DSG4: variants seen among roughly 807,000 people sequenced by gnomAD.
DSG4 encodes the protein desmoglein 4.
DSG4 carries 87 observed loss-of-function variants against 93.1 expected under a neutral mutation model. The ratio of observed to expected loss-of-function variants is 0.93; its 90% CI spans 0.79 to 1.12. The LOEUF (loss-of-function observed/expected upper bound fraction) is 1.12. Among genes scored for constraint, DSG4 ranks in the 50% most tolerant of loss-of-function variants. The pLI is 0.00. For missense variants in DSG4, 1,373 were observed against 1,285.7 expected (o/e 1.07, Z -1.04); for synonymous variants, 432 against 452.9 (o/e 0.95, Z 0.59).
intron 1 of DSG4, 69 bp from the exon 2 acceptor site, chr18:31,385,067 T>A (rs2072172820): frequency 7.9e-7 from 1 of 1,272,662 alleles, no homozygotes; most frequent in African/African-American, 1.5e-5. Flanking sequence ...ATATTGTCAA[T>A]GTTTTTATGA....
chr18:31,389,028 A>G lies in DSG4; in HGVS notation c.517+10A>G. The G allele has an allele frequency of 6.2e-7, 1 of 1,612,732 alleles. No individual in the cohort carries two copies. Among genetic ancestry groups the G allele is most frequent in the Non-Finnish European group, 8.5e-7 (1 of 1,178,936 alleles). Reference sequence around the variant, plus strand: ...GAAAATAGTGATGCCAGTAAGTAGAATGACATTCCTTCTCTACGTCACAGC... The same window carrying G: ...GAAAATAGTGATGCCAGTAAGTAGAGTGACATTCCTTCTCTACGTCACAGC... On this transcript the variant is annotated intron_variant, in intron 5 of 15. Transcript: ENST00000308128.
chr18:31,388,850 T>C (rs1411258079), intron 4 of DSG4, 24 bp from the exon 5 acceptor site: 1 of 1,613,344 alleles, frequency 6.2e-7, no homozygotes, highest in African/African-American at 1.3e-5. Context: ...TGGAAAAAGA[T>C]GGCTTTTTTC....
chr18:31,408,184 C>T (rs1284040888), intron 12 of DSG4, among the ~76,000 whole-genome samples: 2 of 152,150 alleles, frequency 1.3e-5, no homozygotes, highest in South Asian at 2.1e-4. Context: ...AACCTATGTT[C>T]CCAAAGGGCC....
rs143650325 is a variant in DSG4, at chr18:31,377,935, C to T, written c.48+976C>T. On this transcript the variant is annotated intron_variant, in intron 1 of 15. Coordinates refer to ENST00000308128, the MANE Select transcript of DSG4 (RefSeq NM_177986.5). The stretch of plus-strand genomic sequence containing the variant: ...GGCAAGTGGCAATTATACCAGACTC[C>T]TCTGAACATCAGTTGTAAGAGACAG... Among the ~76,000 whole-genome samples the T allele has an allele frequency of 2.3e-4, 35 of 152,316 alleles. 1 individual carries two copies. In the South Asian group the frequency reaches 5.6e-3, roughly 24 times the overall value.
intron 12 of DSG4, among the ~76,000 whole-genome samples, chr18:31,408,907 C>T (rs2072455562): frequency 6.6e-6 from 1 of 152,096 alleles, no homozygotes; most frequent in South Asian, 2.1e-4. Flanking sequence ...ACTTGGATAG[C>T]TAAACATTTT....
At position 31,386,697 on chromosome 18, in the gene DSG4, T is replaced by C. The variant is rs763994902; in HGVS notation, c.94T>C (p.Phe32Leu). The change falls in exon 3 of 16, where the codon TTT becomes CTT. Residue 32 changes from phenylalanine to leucine, a missense_variant. Coordinates refer to ENST00000308128, the MANE Select transcript of DSG4 (RefSeq NM_177986.5). ...ACCATTTTTGCTTAAGGTGAAGGAA[T>C]TTGACATTGAAAATGGCACTACAAA... is the stretch of plus-strand genomic sequence containing the variant. ...NSEFIVEVKE[F>L]DIENGTTKWQ... The C allele has an allele frequency of 5.6e-6, 9 of 1,613,062 alleles. No individual in the cohort carries two copies. The African/African-American group carries it at 6.7e-5, about 12-fold the overall frequency.
intron 2 of DSG4, among the ~76,000 whole-genome samples, chr18:31,386,386 G>A (rs1160791412): frequency 1.3e-5 from 2 of 152,114 alleles, no homozygotes; most frequent in South Asian, 4.1e-4. Context: ...GGTGAAGATA[G>A]ATTGAGAAAA....
intron 1 of DSG4, among the ~76,000 whole-genome samples, chr18:31,379,288 T>C (rs2072109810): frequency 6.6e-6 from 1 of 152,202 alleles, no homozygotes; most frequent in African/African-American, 2.4e-5. Context: ...TGACCTCATG[T>C]GAGAATGTAT....
rs2072237838 is a variant in DSG4 at position 31,390,684 on chromosome 18, A to G, written c.546A>G (p.Thr182=). Residue 182 remains threonine, a synonymous_variant, in exon 6 of 16, where the codon ACA becomes ACG. Transcript: ENST00000308128. ...CATTGGTAGTAAAGTTATGTGCCAC[A>G]GATGCAGATGAAGAAAATCATCTGA... is the stretch of plus-strand genomic sequence containing the variant. The part of the protein sequence containing the change: ...ANTLVVKLCA[T]DADEENHLNS... 1.9e-6 allele frequency: 3 copies of G among 1,613,572 alleles called. No individual in the cohort carries two copies. The highest frequency in any genetic ancestry group is 1.6e-4 in the Middle Eastern group (1 of 6,080).
Position 31,401,022 on chromosome 18 carries a change from T to C in DSG4, c.1417+2T>C. 6.3e-7 allele frequency: 1 copy of C among 1,588,910 alleles called. No individual in the cohort carries two copies. Among genetic ancestry groups the C allele is most frequent in the Non-Finnish European group, 8.6e-7 (1 of 1,166,526 alleles). On this transcript the variant is annotated splice_donor_variant, in intron 10 of 15. Transcript: ENST00000308128. LOFTEE classifies it high-confidence loss of function. ...CAGCAGAGATCCTGGCTATAGATGGTAAGAAAATTTATTTTCAGTATTTTA... is the reference window on the plus strand; with the variant it reads ...CAGCAGAGATCCTGGCTATAGATGGCAAGAAAATTTATTTTCAGTATTTTA...
At position 31,413,572 on chromosome 18, in the gene DSG4, A is replaced by G. The variant is rs762016349; in HGVS notation, c.3100A>G (p.Asn1034Asp). The G allele has an allele frequency of 6.2e-7, 1 of 1,613,832 alleles. No homozygotes were observed. The highest frequency in any genetic ancestry group is 2.2e-5 in the East Asian group (1 of 44,904). ...TCGACACAGAGTAACACGATACAGT[A>G]ACATACATTACACCCAACAGTAAGT... ...TSRHRVTRYS[N>D]IHYTQQ Residue 1034 changes from asparagine (N) to aspartate (D), a missense_variant, in exon 16 of 16, where the codon AAC (asparagine) becomes GAC (aspartate). Physicochemically the swap from Asn to Asp is conservative, Grantham distance 23. Transcript: ENST00000308128.
intron 14 of DSG4, among the ~76,000 whole-genome samples, chr18:31,410,405 GTGTC>G (rs1390675550): frequency 1.3e-5 from 2 of 151,158 alleles, no homozygotes. Flanking sequence ...ATGTGTATGT[GTGTC>G]TATATATATA....
At chr18:31,385,083 C>A in intron 1 of DSG4, 53 bp from the exon 2 acceptor site, 1 of 1,434,636 alleles carries the variant, frequency 7.0e-7, no homozygotes, top group Non-Finnish European at 9.8e-7. Flanking sequence ...TATGACATGG[C>A]TTCCTCTAAA....
At chr18:31,403,867 G>A (rs1048749175) in intron 11 of DSG4, among the ~76,000 whole-genome samples, 9 of 152,188 alleles carry the variant, frequency 5.9e-5, no homozygotes, top group Admixed American at 2.0e-4. Context: ...AATAGTAGTG[G>A]ATAAATACCA....
Position 31,395,745 on chromosome 18 carries a change from A to G in DSG4, c.1005+3405A>G, listed in dbSNP as rs145144187. Among the ~76,000 whole-genome samples the G allele has an allele frequency of 5.6e-3, 850 of 152,266 alleles. 7 individuals carry two copies. The highest frequency in any genetic ancestry group is 0.019 in the African/African-American group (805 of 41,540). ...AGGATTTAAGGTGGCTCGTGCCTGT[A>G]ATCCCAGCACTTTGGGAGGCCAAGG... On this transcript the variant is annotated intron_variant, in intron 8 of 15. Coordinates refer to ENST00000308128, the MANE Select transcript of DSG4 (RefSeq NM_177986.5).
chr18:31,399,297 A>G lies in DSG4; in HGVS notation c.1031A>G (p.Asn344Ser), dbSNP rs2072338241. 2 of 1,614,074 alleles carry G rather than the reference A, an allele frequency of 1.2e-6. No individual in the cohort carries two copies. The highest frequency in any genetic ancestry group is 1.3e-5 in the African/African-American group (1 of 75,042). Residue 344 changes from asparagine to serine, a missense_variant, in exon 9 of 16, where the codon AAC (asparagine) becomes AGC (serine). Physicochemically the swap from Asn to Ser is conservative, Grantham distance 46. Coordinates refer to ENST00000308128, the MANE Select transcript of DSG4 (RefSeq NM_177986.5). ...ATGCTGGATTATGAACAAGCACCTA[A>G]CATTCAGCTTAGTATCGGAGTTAAA... ...VKMLDYEQAP[N>S]IQLSIGVKNQ...
At position 31,406,220 on chromosome 18, in the gene DSG4, A is replaced by G. The variant is rs1382394285; in HGVS notation, c.1780A>G (p.Met594Val). Residue 594 changes from methionine (M) to valine (V), a missense_variant, in exon 12 of 16, where the codon ATG becomes GTG. Transcript: ENST00000308128. Reference protein sequence around the residue: ...LYACDCDDNHMCLDSGAAGIY... With the variant: ...LYACDCDDNHVCLDSGAAGIY... ...TGCCTGTGATTGCGATGACAACCACATGTGCCTGGACTCTGGTGCCGCGGG... is the reference window on the plus strand; with the variant it reads ...TGCCTGTGATTGCGATGACAACCACGTGTGCCTGGACTCTGGTGCCGCGGG... 1 of 1,613,260 alleles carries G rather than the reference A, an allele frequency of 6.2e-7. No homozygotes were observed.
Position 31,412,919 on chromosome 18 carries a change from G to A in DSG4, c.2447G>A (p.Gly816Asp), listed in dbSNP as rs2072511309. The change falls in exon 16 of 16, where the codon GGC (glycine) becomes GAC (aspartate). Residue 816 changes from glycine to aspartate, a missense_variant. Gly to Asp is a moderately conservative substitution (Grantham distance 94, BLOSUM62 -1). Coordinates refer to ENST00000308128, the MANE Select transcript of DSG4 (RefSeq NM_177986.5). ...CACGAGGGAGTCGGGTCTCCCGTAG[G>A]CTCTATTGGTTGTTGCAGTTGGATT... ...YDHEGVGSPV[G>D]SIGCCSWIVD... 4 of 1,614,076 alleles carry A rather than the reference G, an allele frequency of 2.5e-6. No homozygotes were observed. The highest frequency in any genetic ancestry group is 2.7e-5 in the African/African-American group (2 of 74,924).
In DSG4 at chr18:31,412,877, G is replaced by A. The variant is rs941563370; in HGVS notation, c.2405G>A (p.Cys802Tyr). ...DEDEGRPAND[C>Y]LLIYDHEGVG... ...GATGAAGGTCGACCAGCCAATGACT[G>A]CTTGCTCATTTATGACCACGAGGGA... Residue 802 changes from cysteine (C) to tyrosine (Y), a missense_variant, in exon 16 of 16, where the codon TGC (cysteine) becomes TAC (tyrosine). Coordinates refer to ENST00000308128, the MANE Select transcript of DSG4 (RefSeq NM_177986.5). The A allele has an allele frequency of 1.2e-6, 2 of 1,614,200 alleles. No individual in the cohort carries two copies. The highest frequency in any genetic ancestry group is 3.3e-5 in the Admixed American group (2 of 60,022).
Sources: gnomAD v4.1 joint callset for allele counts (sites outside exome capture counted in the v4.1 genomes callset) on GRCh38, gnomAD v4.1.1 for gene constraint, MANE v1.5 for transcripts, NCBI Gene and HGNC (gene_info 2026-07-23, HGNC 2026-07-21) for gene names.